TIAM1: variants seen among roughly 807,000 people sequenced by gnomAD.
TIAM1 encodes TIAM Rac1 associated GEF 1, also known as rho guanine nucleotide exchange factor TIAM1.
A neutral mutation model predicts 163.5 loss-of-function variants in TIAM1; 65 were observed. The observed-to-expected ratio is 0.40, with a 90% CI of 0.33 to 0.49. The LOEUF is 0.49. Among genes scored for constraint, TIAM1 ranks in the 20% least tolerant of loss-of-function variants. The pLI is 0.77. For synonymous variants in TIAM1, 833 were observed against 810.1 expected, an observed-to-expected ratio of 1.03 and a Z score of -0.48; for missense variants, 1,789 against 2,044.7, an observed-to-expected ratio of 0.87 and a Z score of 2.41.
chr21:31,354,272 G>A (rs1164729428), intron 2 of TIAM1, among the ~76,000 whole-genome samples: 1 of 152,090 alleles, frequency 6.6e-6, no homozygotes, highest in African/African-American at 2.4e-5. Flanking sequence ...AAATGTGGCA[G>A]GCAAGCAACA....
At chr21:31,165,544 C>G (rs1019312010) in intron 15 of TIAM1, among the ~76,000 whole-genome samples, 1 of 152,148 alleles carries the variant, frequency 6.6e-6, no homozygotes, top group Non-Finnish European at 1.5e-5. Context: ...CACCAGGAAA[C>G]TGAATTGGTT....
chr21:31,210,607 AAG>A (rs2086709038), intron 10 of TIAM1, among the ~76,000 whole-genome samples: 1 of 87,792 alleles, frequency 1.1e-5, no homozygotes, highest in African/African-American at 4.5e-5. Context: ...AGAAAGAAGG[AAG>A]GAAGGGAGAA....
At chr21:31,402,584 C>T (rs9974346) in intron 2 of TIAM1, among the ~76,000 whole-genome samples, 1,835 of 152,166 alleles carry the variant, frequency 0.012, 27 homozygotes, top group African/African-American at 0.04. Flanking sequence ...AGAGCTTCTT[C>T]ACATTTCATC....
At chr21:31,295,640 A>G (rs952607266) in intron 2 of TIAM1, among the ~76,000 whole-genome samples, 2 of 152,132 alleles carry the variant, frequency 1.3e-5, no homozygotes, top group African/African-American at 4.8e-5. Flanking sequence ...TTTATGATGA[A>G]CAGTTAACAG....
At chr21:31,445,485 G>A (rs148091739) in intron 2 of TIAM1, among the ~76,000 whole-genome samples, 19 of 152,292 alleles carry the variant, frequency 1.2e-4, no homozygotes, top group South Asian at 1.2e-3. Flanking sequence ...GGTAAATCCA[G>A]GAGATGTTAT....
At chr21:31,174,961 T>C (rs2084693527) in intron 15 of TIAM1, among the ~76,000 whole-genome samples, 1 of 152,170 alleles carries the variant, frequency 6.6e-6, no homozygotes, top group African/African-American at 2.4e-5. Flanking sequence ...CTTTCTTTTT[T>C]AGAGATAGGG....
At chr21:31,501,706 G>A (rs56122535) in intron 1 of TIAM1, among the ~76,000 whole-genome samples, 4,545 of 152,186 alleles carry the variant, frequency 0.03, 90 homozygotes, top group Non-Finnish European at 0.043. Flanking sequence ...AGGTTCAAGC[G>A]ATTCTCCTGC....
chr21:31,210,677 AAG>A (rs2086773882), intron 10 of TIAM1, among the ~76,000 whole-genome samples: 1 of 91,896 alleles, frequency 1.1e-5, no homozygotes, highest in East Asian at 4.3e-4. Flanking sequence ...AAAAGAAAGA[AAG>A]AAAGAAAAAG....
chr21:31,126,356 C>T (rs1415741387), intron 26 of TIAM1, among the ~76,000 whole-genome samples: 1 of 152,056 alleles, frequency 6.6e-6, no homozygotes, highest in Non-Finnish European at 1.5e-5. Context: ...ACCACGATGT[C>T]AGGAGATCGA....
At chr21:31,310,811 G>T (rs1408889158) in intron 2 of TIAM1, among the ~76,000 whole-genome samples, 2 of 152,288 alleles carry the variant, frequency 1.3e-5, no homozygotes, top group East Asian at 3.9e-4. Flanking sequence ...CACAATGCAG[G>T]ATGAGAGAAG....
At chr21:31,516,986 T>C (rs1057511864) in intron 1 of TIAM1, among the ~76,000 whole-genome samples, 1 of 149,648 alleles carries the variant, frequency 6.7e-6, no homozygotes, top group Non-Finnish European at 1.5e-5. Flanking sequence ...GAGGTGGAAG[T>C]TGCAGTGAGC....
chr21:31,421,398 T>C (rs1301944328), intron 2 of TIAM1, among the ~76,000 whole-genome samples: 1 of 152,110 alleles, frequency 6.6e-6, no homozygotes, highest in African/African-American at 2.4e-5. Context: ...GTCTATGGCC[T>C]GTTAGGAGCT....
intron 3 of TIAM1, among the ~76,000 whole-genome samples, chr21:31,268,291 C>G (rs1197375787): frequency 2.6e-5 from 4 of 152,100 alleles, no homozygotes; most frequent in African/African-American, 9.7e-5. Context: ...AGGGAAGGCA[C>G]GTGATAGACA....
chr21:31,232,640 T>C (rs2146667419), intron 6 of TIAM1, among the ~76,000 whole-genome samples: 1 of 152,274 alleles, frequency 6.6e-6, no homozygotes, highest in East Asian at 1.9e-4. Context: ...TCTCCAGGAT[T>C]TAAATTCTGA....
intron 2 of TIAM1, among the ~76,000 whole-genome samples, chr21:31,365,653 AGTGCGGGATTACAGGC>A (rs1327316712): frequency 6.6e-6 from 1 of 151,736 alleles, no homozygotes; most frequent in Non-Finnish European, 1.5e-5. Flanking sequence ...GGCCTCCCAA[AGTGCGGGATTACAGGC>A]GTGAGCCACT....
chr21:31,499,827 G>A (rs960875879), intron 1 of TIAM1, among the ~76,000 whole-genome samples: 28 of 151,204 alleles, frequency 1.9e-4, no homozygotes, highest in Middle Eastern at 3.5e-3. Context: ...TCCAGCCTGG[G>A]CAACAGAACA....
At chr21:31,518,475 C>T (rs531120654) in intron 1 of TIAM1, among the ~76,000 whole-genome samples, 30 of 152,070 alleles carry the variant, frequency 2.0e-4, no homozygotes, top group African/African-American at 7.0e-4. Context: ...TTAGTAGACA[C>T]GGGATTTCTC....
intron 2 of TIAM1, among the ~76,000 whole-genome samples, chr21:31,400,403 T>G (rs1369483839): frequency 6.6e-6 from 1 of 152,170 alleles, no homozygotes; most frequent in Non-Finnish European, 1.5e-5. Context: ...GTGCTGGGAT[T>G]GCAGGCATGA....
chr21:31,403,294 C>T (rs187754746), intron 2 of TIAM1, among the ~76,000 whole-genome samples: 2 of 152,170 alleles, frequency 1.3e-5, no homozygotes, highest in African/African-American at 4.8e-5. Context: ...ACTACAGACG[C>T]GTGCCACCAC....
Sources: gnomAD v4.1 joint callset for allele counts (sites outside exome capture counted in the v4.1 genomes callset) on GRCh38, gnomAD v4.1.1 for gene constraint, MANE v1.5 for transcripts, NCBI Gene and HGNC (gene_info 2026-07-23, HGNC 2026-07-21) for gene names.